RUFY1: variants seen among roughly 807,000 people sequenced by gnomAD.
RUFY1 encodes RUN and FYVE domain containing 1, also known as RUN and FYVE domain-containing protein 1.
RUFY1 carries 54 observed loss-of-function variants against 94.6 expected under a neutral mutation model. The ratio of observed to expected loss-of-function variants is 0.57; its 90% CI spans 0.46 to 0.72. RUFY1 has a LOEUF of 0.72. Ranked by LOEUF, RUFY1 falls within the 30% of genes least tolerant of loss-of-function variation. RUFY1 has a pLI of 0.00. For missense variants in RUFY1, 883 were observed against 883.9 expected, an observed-to-expected ratio of 1.00 and a Z score of 0.01; for synonymous variants, 396 against 347.3, an observed-to-expected ratio of 1.14 and a Z score of -1.56.
intron 1 of RUFY1, among the ~76,000 whole-genome samples, chr5:179,551,160 C>A (rs1310415912): frequency 2.6e-5 from 4 of 152,222 alleles, no homozygotes; most frequent in Non-Finnish European, 5.9e-5. Flanking sequence ...GGCTTCGGAA[C>A]TCTGTAGTAA....
At chr5:179,602,928 C>G (rs1373190346) in intron 15 of RUFY1, among the ~76,000 whole-genome samples, 1 of 152,198 alleles carries the variant, frequency 6.6e-6, no homozygotes, top group Non-Finnish European at 1.5e-5. Flanking sequence ...GGCTCACGAC[C>G]TCAGCACAGC....
intron 6 of RUFY1, among the ~76,000 whole-genome samples, chr5:179,580,549 TTTG>T (rs1004879456): frequency 2.2e-5 from 3 of 135,908 alleles, no homozygotes; most frequent in Non-Finnish European, 4.8e-5. Flanking sequence ...GCCAGTTTTT[TTTG>T]TTTTTTTTTT....
At chr5:179,554,536 CAAAAA>C (rs1267647483) in intron 1 of RUFY1, among the ~76,000 whole-genome samples, 1 of 137,558 alleles carries the variant, frequency 7.3e-6, no homozygotes, top group South Asian at 2.3e-4. Flanking sequence ...AACTTTGTCT[CAAAAA>C]AAAAAAGAAA....
chr5:179,562,514 T>G (rs766098515), intron 2 of RUFY1, 33 bp from the exon 3 acceptor site: 1 of 1,389,382 alleles, frequency 7.2e-7, no homozygotes, highest in Admixed American at 1.7e-5. Context: ...TGCAACCTGT[T>G]CTTATGAATA....
intron 9 of RUFY1, 130 bp downstream of exon 9, chr5:179,589,777 C>G: frequency 1.4e-6 from 1 of 721,326 alleles, no homozygotes; most frequent in East Asian, 2.7e-5. Flanking sequence ...TCAGAAAGGG[C>G]CTCTCACTGC....
Position 179,569,438 on chromosome 5 carries a change from T to C in RUFY1, c.828+13T>C. ...CTTGGATTCTCAGGTAAAATGAAATTTTGGCTCTAGATGAACACTTTCGTT... is the reference window on the plus strand; with the variant it reads ...CTTGGATTCTCAGGTAAAATGAAATCTTGGCTCTAGATGAACACTTTCGTT... On this transcript the variant is annotated intron_variant, in intron 5 of 17. Coordinates refer to ENST00000319449, the MANE Select transcript of RUFY1 (RefSeq NM_025158.5). The C allele has an allele frequency of 6.2e-7, 1 of 1,613,302 alleles. No homozygotes were observed. Among genetic ancestry groups the C allele is most frequent in the South Asian group, 1.1e-5 (1 of 91,066 alleles).
chr5:179,552,164 CAAAAAAAAAA>C (rs563730431), intron 1 of RUFY1, among the ~76,000 whole-genome samples: 1 of 73,454 alleles, frequency 1.4e-5, no homozygotes, highest in Non-Finnish European at 2.3e-5. Context: ...GACTCTGTCT[CAAAAAAAAAA>C]AAAAAAAAAA....
At chr5:179,554,361 AC>A (rs1762006935) in intron 1 of RUFY1, among the ~76,000 whole-genome samples, 1 of 151,856 alleles carries the variant, frequency 6.6e-6, no homozygotes, top group South Asian at 2.1e-4. Flanking sequence ...ACATGGAGAA[AC>A]CCCGTCTCTA....
chr5:179,609,355 C>T (rs368759025), intron 17 of RUFY1, 21 bp from the exon 18 acceptor site: 14 of 1,610,376 alleles, frequency 8.7e-6, no homozygotes, highest in East Asian at 2.2e-5. Context: ...GTCCTGTGAC[C>T]GCCTTCTTCC....
At chr5:179,599,811 C>T (rs1166582384) in intron 14 of RUFY1, among the ~76,000 whole-genome samples, 1 of 152,270 alleles carries the variant, frequency 6.6e-6, no homozygotes, top group Non-Finnish European at 1.5e-5. Flanking sequence ...AAGCAGACCT[C>T]CCCTCGGCAC....
rs1206126616 is a variant in RUFY1 at position 179,550,583 on chromosome 5, A to G, written c.14A>G (p.Glu5Gly). The G allele has an allele frequency of 7.5e-6, 8 of 1,068,904 alleles. No individual in the cohort carries two copies. The highest frequency in any genetic ancestry group is 1.2e-4 in the Admixed American group (2 of 16,868). 66.2% of individuals were successfully genotyped at this position (1,068,904 alleles called of 1,614,324 possible). A position where few individuals can be genotyped will look rare whatever the true frequency, so the allele number is the denominator to read the frequency against. The change falls in exon 1 of 18, where the codon GAA (glutamate) becomes GGA (glycine). Residue 5 changes from glutamate (E) to glycine (G), a missense_variant. Physicochemically the swap from Glu to Gly is moderately conservative, Grantham distance 98. Transcript: ENST00000319449. MADR[E>G]GGCAAGRGRE... ...GACACGGCCAAGATGGCCGACCGGG[A>G]AGGCGGCTGCGCTGCTGGGCGGGGG...
chr5:179,562,533 GT>G lies in RUFY1; in HGVS notation c.485-9del, dbSNP rs1762531732. On this transcript the variant is annotated splice_polypyrimidine_tract_variant and intron_variant, in intron 2 of 17. Transcript: ENST00000319449. ...ACCTGTTCTTATGAATAACACTTTT[GT>G]TTTTCCTTTTAGTTAAGAAGAGTTT... The G allele has an allele frequency of 6.6e-7, 1 of 1,517,026 alleles. No individual in the cohort carries two copies. The highest frequency in any genetic ancestry group is 9.1e-7 in the Non-Finnish European group (1 of 1,094,568). 94.0% of individuals were successfully genotyped at this position (1,517,026 alleles called of 1,614,324 possible). A position where few individuals can be genotyped will look rare whatever the true frequency, so the allele number is the denominator to read the frequency against.
chr5:179,575,599 A>T (rs1763556130), intron 5 of RUFY1, among the ~76,000 whole-genome samples: 2 of 152,264 alleles, frequency 1.3e-5, no homozygotes, highest in African/African-American at 4.8e-5. Flanking sequence ...CGAGACAGGC[A>T]CTAAGACCCC....
chr5:179,567,484 C>G lies in RUFY1; in HGVS notation c.626C>G (p.Ala209Gly). Residue 209 changes from alanine (A) to glycine (G), a missense_variant, in exon 4 of 18, where the codon GCG becomes GGG. Coordinates refer to ENST00000319449, the MANE Select transcript of RUFY1 (RefSeq NM_025158.5). ...AGGACAGCTGTGGGAAGAGGCCGAG[C>G]GTGGCTTTATCTTGCACTCATGCAA... ...ELKTAVGRGR[A>G]WLYLALMQKK... 1 of 1,613,802 alleles carries G rather than the reference C, an allele frequency of 6.2e-7. No individual in the cohort carries two copies. Among genetic ancestry groups the G allele is most frequent in the Non-Finnish European group, 8.5e-7 (1 of 1,179,682 alleles).
In RUFY1 at chr5:179,606,134, C is replaced by T. The variant is rs565052568; in HGVS notation, c.1905+210C>T. The T allele has an allele frequency of 7.3e-5, 43 of 585,136 alleles. 1 individual carries two copies. The highest frequency in any genetic ancestry group is 1.1e-4 in the Non-Finnish European group (37 of 331,320). The allele number at this position is 585,136 out of a possible 1,614,324, so 36.2% of individuals were successfully genotyped here. ...TGGCCGAAGCTGAGCCTAGGTCTTC[C>T]GACTCCAGTTCCTCCACCATCAGCT... On this transcript the variant is annotated intron_variant, in intron 16 of 17. Coordinates refer to ENST00000319449, the MANE Select transcript of RUFY1 (RefSeq NM_025158.5).
chr5:179,556,091 T>C (rs1476611353), intron 1 of RUFY1, among the ~76,000 whole-genome samples: 2 of 152,204 alleles, frequency 1.3e-5, no homozygotes, highest in Non-Finnish European at 2.9e-5. Context: ...AATATTGACT[T>C]TTTAAAATAA....
chr5:179,601,851 G>A, intron 14 of RUFY1, 41 bp from the exon 15 acceptor site: 1 of 890,676 alleles, frequency 1.1e-6, no homozygotes, highest in Non-Finnish European at 1.8e-6. Flanking sequence ...AAAGGACCGT[G>A]TAATCCTCTG....
chr5:179,601,834 A>G (rs1581560475), intron 14 of RUFY1, 58 bp from the exon 15 acceptor site: 1 of 1,104,184 alleles, frequency 9.1e-7, no homozygotes, highest in East Asian at 2.5e-5. Context: ...AAAAAAAAAA[A>G]AAAAAAAAAG....
Position 179,609,305 on chromosome 5 carries a change from C to A in RUFY1, c.1984-71C>A, listed in dbSNP as rs1767472858. ...CCCAGCAAATGATGCGCTTCTGGGT[C>A]AGGAAGCAGGGAGGGTGTGCGGATG... On this transcript the variant is annotated intron_variant, in intron 17 of 17. Coordinates refer to ENST00000319449, the MANE Select transcript of RUFY1 (RefSeq NM_025158.5). 1.1e-5 allele frequency: 17 copies of A among 1,527,746 alleles called. No homozygotes were observed. In the South Asian group the frequency reaches 1.8e-4, roughly 16 times the overall value. 94.6% of individuals were successfully genotyped at this position (1,527,746 alleles called of 1,614,324 possible).
Sources: allele counts gnomAD v4.1 joint callset (sites outside exome capture counted in the v4.1 genomes callset), GRCh38; gene constraint gnomAD v4.1.1; transcripts MANE v1.5; gene names NCBI Gene and HGNC (gene_info 2026-07-23, HGNC 2026-07-21).